Variants in CPAP observed in about 807,000 individuals in gnomAD.
CPAP encodes the protein centrosome assembly and centriole elongation protein, also known as centrosomal P4.1-associated protein.
chr13:24,919,471 G>A, the CPAP span, among the ~76,000 whole-genome samples: 1 of 151,984 alleles, frequency 6.6e-6, no homozygotes, highest in Non-Finnish European at 1.5e-5. Context: ...CCAGGCTGGA[G>A]TGCAGTGGCA....
chr13:24,903,312 A>G, the CPAP span, among the ~76,000 whole-genome samples: 1 of 152,224 alleles, frequency 6.6e-6, no homozygotes, highest in African/African-American at 2.4e-5. Flanking sequence ...ATGACGTTAT[A>G]CTGGAGTAGG....
chr13:24,916,752 C>G, the CPAP span, among the ~76,000 whole-genome samples: 1 of 152,240 alleles, frequency 6.6e-6, no homozygotes, highest in Admixed American at 6.5e-5. Flanking sequence ...CACAGTTATA[C>G]TGGCATAAAC....
the CPAP span, among the ~76,000 whole-genome samples, chr13:24,895,434 C>T: frequency 6.6e-6 from 1 of 152,116 alleles, no homozygotes; most frequent in Non-Finnish European, 1.5e-5. Flanking sequence ...AAAAATTAGC[C>T]GGGCGTGGTG....
chr13:24,905,340 A>T, the CPAP span: 1 of 1,612,448 alleles, frequency 6.2e-7, no homozygotes, highest in African/African-American at 1.3e-5. Flanking sequence ...TAATGCTCTG[A>T]CTCACCAGGT....
At chr13:24,893,248 A>G in the CPAP span, among the ~76,000 whole-genome samples, 7 of 152,264 alleles carry the variant, frequency 4.6e-5, no homozygotes, top group African/African-American at 1.7e-4. Context: ...GACTAGAGCT[A>G]AAGAATAAAA....
the CPAP span, among the ~76,000 whole-genome samples, chr13:24,922,586 C>A: frequency 2.0e-5 from 3 of 152,260 alleles, no homozygotes; most frequent in Non-Finnish European, 4.4e-5. Flanking sequence ...AGCCACTGAA[C>A]TGCCGTGGGC....
At chr13:24,922,539 C>T in the CPAP span, among the ~76,000 whole-genome samples, 1 of 152,248 alleles carries the variant, frequency 6.6e-6, no homozygotes, top group African/African-American at 2.4e-5. Flanking sequence ...GCCGGCTTCC[C>T]CAGCTCTGCG....
the CPAP span, among the ~76,000 whole-genome samples, chr13:24,926,779 G>A: frequency 6.6e-6 from 1 of 152,276 alleles, no homozygotes; most frequent in East Asian, 1.9e-4. Context: ...GATCAACACG[G>A]CAATCAGGTA....
chr13:24,928,553 C>T, the CPAP span, among the ~76,000 whole-genome samples: 2 of 152,220 alleles, frequency 1.3e-5, no homozygotes, highest in Non-Finnish European at 2.9e-5. Flanking sequence ...GCCTCAGCCT[C>T]CTGAGTAGCT....
chr13:24,905,089 G>A, the CPAP span, among the ~76,000 whole-genome samples: 1 of 152,156 alleles, frequency 6.6e-6, no homozygotes, highest in Non-Finnish European at 1.5e-5. Flanking sequence ...GTACCTCTAG[G>A]AAGGGGTACT....
the CPAP span, chr13:24,906,989 A>C: frequency 1.2e-6 from 2 of 1,604,226 alleles, no homozygotes; most frequent in Admixed American, 3.3e-5. Context: ...ATTTGAATTA[A>C]TTTTGGTATA....
At chr13:24,911,871 G>A in the CPAP span, 9 of 1,560,596 alleles carry the variant, frequency 5.8e-6, no homozygotes, top group African/African-American at 5.4e-5. Context: ...ATACAGGAAC[G>A]ATAGAAATAA....
chr13:24,888,492 A>G, the CPAP span, among the ~76,000 whole-genome samples: 80 of 152,322 alleles, frequency 5.3e-4, no homozygotes, highest in African/African-American at 1.8e-3. Flanking sequence ...CACGGAATCA[A>G]CCACCATTTT....
chr13:24,883,193 A>G, the CPAP span: 11 of 1,613,964 alleles, frequency 6.8e-6, no homozygotes, highest in Middle Eastern at 1.6e-4. Flanking sequence ...CTCCGTGTCC[A>G]TTAGCACATT....
the CPAP span, among the ~76,000 whole-genome samples, chr13:24,926,274 T>C: frequency 1.3e-5 from 2 of 152,146 alleles, no homozygotes; most frequent in African/African-American, 4.8e-5. Context: ...ACAACAGTTA[T>C]CAGCTCAACA....
chr13:24,887,416 A>G, the CPAP span, among the ~76,000 whole-genome samples: 5 of 152,174 alleles, frequency 3.3e-5, no homozygotes, highest in Admixed American at 1.3e-4. Context: ...CATCACTCGC[A>G]TTACCACCTG....
chr13:24,904,132 A>G, the CPAP span: 1 of 1,498,948 alleles, frequency 6.7e-7, no homozygotes, highest in South Asian at 1.1e-5. Context: ...AGCTAGTAAC[A>G]CTAAGAGCCA....
At chr13:24,894,051 G>A in the CPAP span, among the ~76,000 whole-genome samples, 1 of 152,148 alleles carries the variant, frequency 6.6e-6, no homozygotes, top group Non-Finnish European at 1.5e-5. Context: ...GGCAGCGCGT[G>A]TGGGAAGCAA....
chr13:24,922,975 G>GC, the CPAP span: 1 of 152,332 alleles, frequency 6.6e-6, no homozygotes, highest in African/African-American at 2.4e-5. Context: ...CACAGCGACG[G>GC]GCGTTGCCCG....
Sources: allele counts gnomAD v4.1 joint callset (sites outside exome capture counted in the v4.1 genomes callset), GRCh38; gene constraint gnomAD v4.1.1; transcripts MANE v1.5; gene names NCBI Gene and HGNC (gene_info 2026-07-23, HGNC 2026-07-21).